Variants in NELL2 observed in about 807,000 individuals in gnomAD.
The protein encoded by NELL2 is neural EGFL like 2.
Under a neutral mutation model 109.6 loss-of-function variants are expected in NELL2, and 41 were observed. The ratio of observed to expected loss-of-function variants is 0.37; its 90% CI spans 0.29 to 0.49. The LOEUF (loss-of-function observed/expected upper bound fraction) is 0.49. NELL2 is among the 20% of genes least tolerant of loss of function. The probability of loss-of-function intolerance (pLI) is 0.98; values close to 1 mark genes in which losing one functional copy is unlikely to be tolerated. For synonymous variants in NELL2, 355 were observed against 344.7 expected (o/e 1.03, Z -0.33); for missense variants, 900 against 1,008.3 (o/e 0.89, Z 1.45).
At chr12:44,762,988 T>C (rs888644578) in intron 9 of NELL2, among the ~76,000 whole-genome samples, 2 of 152,194 alleles carry the variant, frequency 1.3e-5, no homozygotes, top group African/African-American at 4.8e-5. Context: ...TCAAGAAATA[T>C]TCTCCAGCTC....
At chr12:44,880,216 CAT>C (rs1379849678), upstream of NELL2, among the ~76,000 whole-genome samples, 2 of 150,138 alleles carry the variant, frequency 1.3e-5, no homozygotes, top group African/African-American at 4.9e-5. Flanking sequence ...TGACAGAAAA[CAT>C]AAAATAAGAA....
intron 13 of NELL2, among the ~76,000 whole-genome samples, chr12:44,619,105 A>G (rs537969362): frequency 6.6e-5 from 10 of 152,264 alleles, no homozygotes; most frequent in African/African-American, 2.2e-4. Flanking sequence ...AAAGCATTAC[A>G]TGGGAAACAG....
intron 1 of NELL2, among the ~76,000 whole-genome samples, chr12:44,891,313 C>T (rs76490870): frequency 3.3e-3 from 498 of 152,232 alleles, no homozygotes; most frequent in Middle Eastern, 6.8e-3. Flanking sequence ...AGTGATGATA[C>T]CTAAGGCCAT....
chr12:44,653,727 TG>T, intron 13 of NELL2, among the ~76,000 whole-genome samples: 1 of 152,306 alleles, frequency 6.6e-6, no homozygotes, highest in East Asian at 1.9e-4. Context: ...CATTGATTAT[TG>T]GAAGTCTCAT....
In NELL2 at chr12:44,875,362, G is replaced by A; in HGVS notation, c.56-9C>T. ...CACACCAAGCCCCCAAACTGGTGAG[G>A]GGTATGAGGTGGGAGAGAGAAAAAG... is the stretch of plus-strand genomic sequence containing the variant. On this transcript the variant is annotated splice_polypyrimidine_tract_variant and intron_variant, in intron 1 of 19. Coordinates refer to ENST00000429094, the MANE Select transcript of NELL2 (RefSeq NM_001145108.2). The A allele has an allele frequency of 6.2e-7, 1 of 1,614,088 alleles. No individual in the cohort carries two copies. Among genetic ancestry groups the A allele is most frequent in the Non-Finnish European group, 8.5e-7 (1 of 1,180,038 alleles).
intron 9 of NELL2, among the ~76,000 whole-genome samples, chr12:44,755,131 C>A (rs1940825794): frequency 6.6e-6 from 1 of 152,176 alleles, no homozygotes; most frequent in Admixed American, 6.5e-5. Flanking sequence ...ATAGCTTCAA[C>A]CTTATGGCCT....
At chr12:44,704,408 G>T (rs1038360125) in intron 11 of NELL2, among the ~76,000 whole-genome samples, 3 of 152,156 alleles carry the variant, frequency 2.0e-5, no homozygotes, top group African/African-American at 7.2e-5. Context: ...GGCAAAGTAT[G>T]CTCACTCTAA....
intron 3 of NELL2, among the ~76,000 whole-genome samples, chr12:44,812,923 C>T (rs1037645905): frequency 1.1e-4 from 16 of 152,268 alleles, no homozygotes; most frequent in African/African-American, 3.9e-4. Context: ...GATGGAAAAG[C>T]CTACTCCCAT....
At chr12:44,791,520 C>T (rs1333614485) in intron 3 of NELL2, among the ~76,000 whole-genome samples, 16 of 151,328 alleles carry the variant, frequency 1.1e-4, no homozygotes, top group Non-Finnish European at 1.5e-4. Flanking sequence ...TCATAGGAGA[C>T]GTGATGGTGT....
chr12:44,667,286 T>C, intron 12 of NELL2, among the ~76,000 whole-genome samples: 1 of 152,174 alleles, frequency 6.6e-6, no homozygotes, highest in East Asian at 1.9e-4. Context: ...CATTCCAAAT[T>C]CTAATTTACT....
At chr12:44,640,684 AAT>A (rs1326645286) in intron 13 of NELL2, among the ~76,000 whole-genome samples, 1 of 151,958 alleles carries the variant, frequency 6.6e-6, no homozygotes, top group Non-Finnish European at 1.5e-5. Context: ...TTTTTTTTTA[AAT>A]AGAGTTACCA....
In NELL2 at chr12:44,791,083, A is replaced by G. The variant is rs1455368563; in HGVS notation, c.336-11061T>C. On this transcript the variant is annotated intron_variant, in intron 3 of 19. Transcript: ENST00000429094. ...AGTTCAAGTATATATATATATATAC[A>G]TATATATATATATGTATATATATAT... is the stretch of plus-strand genomic sequence containing the variant. Among the ~76,000 whole-genome samples, 28 of 8,376 alleles carry G rather than the reference A, an allele frequency of 3.3e-3. 3 individuals carry two copies. The highest frequency in any genetic ancestry group is 4.6e-3 in the Non-Finnish European group (19 of 4,170). The allele number at this position is 8,376 out of a possible 152,430, so 5.5% of individuals were successfully genotyped here.
intron 12 of NELL2, among the ~76,000 whole-genome samples, chr12:44,678,808 T>C (rs1325996258): frequency 6.6e-6 from 1 of 152,102 alleles, no homozygotes; most frequent in African/African-American, 2.4e-5. Flanking sequence ...AGTTGTCTGA[T>C]TTAACAATAG....
intron 12 of NELL2, among the ~76,000 whole-genome samples, chr12:44,678,939 T>C (rs1293265117): frequency 6.6e-6 from 1 of 152,000 alleles, no homozygotes; most frequent in Non-Finnish European, 1.5e-5. Context: ...GAAAAAATCA[T>C]TACATTAAGA....
intron 2 of NELL2, among the ~76,000 whole-genome samples, chr12:44,844,013 C>A (rs968811937): frequency 3.3e-5 from 5 of 152,038 alleles, no homozygotes; most frequent in African/African-American, 7.2e-5. Flanking sequence ...CAGAGTGAGA[C>A]CCTGTCTCAA....
chr12:44,711,308 A>G lies in NELL2; in HGVS notation c.1173T>C (p.Cys391=). The stretch of plus-strand genomic sequence containing the variant: ...AAGTCTTACCTTTACAAACTTTGCA[A>G]CAGCTGTGAGACAAGGTTATCTGAT... ...ESHQITLSHS[C]CKVCKGYDFC... Residue 391 remains cysteine (C), a synonymous_variant, in exon 11 of 20, where the codon TGT becomes TGC. Transcript: ENST00000429094. The G allele has an allele frequency of 6.2e-6, 10 of 1,612,240 alleles. No homozygotes were observed. Among genetic ancestry groups the G allele is most frequent in the Non-Finnish European group, 8.5e-6 (10 of 1,178,608 alleles).
intron 15 of NELL2, among the ~76,000 whole-genome samples, chr12:44,604,385 C>A (rs540679892): frequency 6.6e-6 from 1 of 152,102 alleles, no homozygotes; most frequent in Admixed American, 6.5e-5. Flanking sequence ...AGCTACTTCA[C>A]GTTTCTGTGC....
intron 9 of NELL2, among the ~76,000 whole-genome samples, chr12:44,741,081 C>T (rs1387654048): frequency 1.3e-5 from 2 of 151,506 alleles, no homozygotes; most frequent in Non-Finnish European, 2.9e-5. Context: ...TTCTGCAACC[C>T]CTGGGACAGC....
intron 2 of NELL2, among the ~76,000 whole-genome samples, chr12:44,850,764 G>C (rs1384078087): frequency 6.6e-6 from 1 of 152,050 alleles, no homozygotes; most frequent in East Asian, 1.9e-4. Flanking sequence ...GAATAAATAG[G>C]CAATACCATT....
Sources: allele counts gnomAD v4.1 joint callset (sites outside exome capture counted in the v4.1 genomes callset), GRCh38; gene constraint gnomAD v4.1.1; transcripts MANE v1.5; gene names NCBI Gene and HGNC (gene_info 2026-07-23, HGNC 2026-07-21).